MALRD1: variants seen among roughly 807,000 people sequenced by gnomAD.
MALRD1 encodes the protein MAM and LDL receptor class A domain containing 1, also known as MAM and LDL-receptor class A domain-containing protein 1.
Under a neutral mutation model 242.1 loss-of-function variants are expected in MALRD1, and 247 were observed. The observed-to-expected ratio is 1.02, with a 90% confidence interval of 0.92 to 1.13. MALRD1 has a LOEUF of 1.13. Ranked by LOEUF, MALRD1 falls within the 50% of genes most tolerant of loss-of-function variation. The probability of loss-of-function intolerance (pLI) is 0.00; values close to 1 mark genes in which losing one functional copy is unlikely to be tolerated. For synonymous variants in MALRD1, 995 were observed against 866.6 expected, an observed-to-expected ratio of 1.15 and a Z score of -2.60; for missense variants, 2,989 against 2,533.1, an observed-to-expected ratio of 1.18 and a Z score of -3.86.
chr10:19,254,586 A>G (rs1839424728), intron 18 of MALRD1, among the ~76,000 whole-genome samples: 1 of 152,024 alleles, frequency 6.6e-6, no homozygotes, highest in Admixed American at 6.6e-5. Flanking sequence ...AATGCATTGG[A>G]GTCCCAGTTG....
At chr10:19,698,414 C>A (rs764329153) in intron 38 of MALRD1, among the ~76,000 whole-genome samples, 2 of 152,176 alleles carry the variant, frequency 1.3e-5, no homozygotes, top group African/African-American at 2.4e-5. Context: ...AGGCACAAAT[C>A]CCTGAGGCTC....
chr10:19,541,520 A>G (rs1834969746), intron 32 of MALRD1, among the ~76,000 whole-genome samples: 1 of 152,226 alleles, frequency 6.6e-6, no homozygotes, highest in South Asian at 2.1e-4. Context: ...GTAATGTGTT[A>G]TAGCAGTAGT....
chr10:19,237,734 A>G (rs1169088706), intron 18 of MALRD1, among the ~76,000 whole-genome samples: 1 of 110,126 alleles, frequency 9.1e-6, no homozygotes, highest in Non-Finnish European at 1.8e-5. Context: ...ATATATAATT[A>G]TATATAATTT....
chr10:19,309,604 G>T (rs1465947776), intron 21 of MALRD1, among the ~76,000 whole-genome samples: 1 of 151,520 alleles, frequency 6.6e-6, no homozygotes, highest in South Asian at 2.1e-4. Context: ...TGTGTGAACA[G>T]GTGAAAAGGT....
chr10:19,687,024 AT>A (rs1291724171), intron 36 of MALRD1, among the ~76,000 whole-genome samples: 3 of 151,670 alleles, frequency 2.0e-5, no homozygotes, highest in African/African-American at 4.8e-5. Context: ...TAACGAGTGG[AT>A]TTTTTTCCCT....
At chr10:19,176,366 C>CCTTTTTTTTTTTTTTTTTTTT (rs1484132630) in intron 14 of MALRD1, among the ~76,000 whole-genome samples, 1 of 87,296 alleles carries the variant, frequency 1.1e-5, no homozygotes, top group African/African-American at 4.3e-5. Flanking sequence ...TTTCTGGGTG[C>CCTTTTTTTTTTTTTTTTTTTT]TTTTTTTTTT....
chr10:19,358,297 C>G (rs956703976), intron 26 of MALRD1, among the ~76,000 whole-genome samples: 1 of 150,286 alleles, frequency 6.7e-6, no homozygotes, highest in Non-Finnish European at 1.5e-5. Context: ...TGGGATATAA[C>G]ATGGAAATCA....
intron 38 of MALRD1, among the ~76,000 whole-genome samples, chr10:19,702,653 T>G (rs566026623): frequency 1.2e-4 from 19 of 152,312 alleles, no homozygotes; most frequent in Non-Finnish European, 2.8e-4. Flanking sequence ...CATAATGATA[T>G]TACAAGTTAA....
intron 12 of MALRD1, among the ~76,000 whole-genome samples, chr10:19,157,527 G>A (rs1257189734): frequency 6.6e-6 from 1 of 152,044 alleles, no homozygotes; most frequent in African/African-American, 2.4e-5. Context: ...GATTACAGGC[G>A]TGAGCCACCG....
At chr10:19,395,463 A>T (rs1265539640) in intron 28 of MALRD1, among the ~76,000 whole-genome samples, 1 of 152,204 alleles carries the variant, frequency 6.6e-6, no homozygotes, top group Non-Finnish European at 1.5e-5. Context: ...TAAGAGACAA[A>T]TGGTTGCATT....
At chr10:19,651,236 ATTAG>A (rs1840870415) in intron 36 of MALRD1, among the ~76,000 whole-genome samples, 1 of 152,194 alleles carries the variant, frequency 6.6e-6, no homozygotes, top group Non-Finnish European at 1.5e-5. Flanking sequence ...TTAACTGAAG[ATTAG>A]TTAGTAAAAC....
At chr10:19,684,289 A>T (rs1039193896) in intron 36 of MALRD1, among the ~76,000 whole-genome samples, 6 of 152,202 alleles carry the variant, frequency 3.9e-5, no homozygotes, top group Admixed American at 3.9e-4. Flanking sequence ...ACTTTGTAAC[A>T]TTATCATATT....
intron 38 of MALRD1, among the ~76,000 whole-genome samples, chr10:19,713,808 G>A (rs991077110): frequency 3.3e-5 from 5 of 152,328 alleles, no homozygotes; most frequent in African/African-American, 7.2e-5. Context: ...GTCTGGTTCT[G>A]GAGTTAGCAA....
chr10:19,579,741 T>A (rs1837013505), intron 33 of MALRD1, among the ~76,000 whole-genome samples: 1 of 152,212 alleles, frequency 6.6e-6, no homozygotes, highest in African/African-American at 2.4e-5. Context: ...ACGGTAGACT[T>A]AACCCTGTAA....
chr10:19,704,872 A>C (rs942254555), intron 38 of MALRD1, among the ~76,000 whole-genome samples: 1 of 152,084 alleles, frequency 6.6e-6, no homozygotes, highest in Non-Finnish European at 1.5e-5. Flanking sequence ...AGAGGCCAGG[A>C]GTGGGTGCTC....
intron 33 of MALRD1, among the ~76,000 whole-genome samples, chr10:19,587,716 T>G (rs938717303): frequency 1.3e-5 from 2 of 152,196 alleles, no homozygotes; most frequent in Non-Finnish European, 2.9e-5. Context: ...ACTGTCTGCA[T>G]AGCACAAAGT....
intron 31 of MALRD1, among the ~76,000 whole-genome samples, chr10:19,510,179 C>T (rs1385320890): frequency 6.6e-6 from 1 of 152,188 alleles, no homozygotes; most frequent in African/African-American, 2.4e-5. Flanking sequence ...GTCTCACCTC[C>T]AGCCCTAAGG....
intron 31 of MALRD1, among the ~76,000 whole-genome samples, chr10:19,512,147 G>C (rs755653590): frequency 3.9e-4 from 59 of 152,230 alleles, no homozygotes; most frequent in Middle Eastern, 6.8e-3. Context: ...ACTTCCAAAA[G>C]AGCCATTCTG....
At chr10:19,707,348 G>A (rs1177064185) in intron 38 of MALRD1, among the ~76,000 whole-genome samples, 2 of 152,118 alleles carry the variant, frequency 1.3e-5, no homozygotes, top group East Asian at 3.9e-4. Context: ...TTCGTAAATT[G>A]CCACTTTATC....
Sources: allele counts gnomAD v4.1 joint callset (sites outside exome capture counted in the v4.1 genomes callset), GRCh38; gene constraint gnomAD v4.1.1; transcripts MANE v1.5; gene names NCBI Gene and HGNC (gene_info 2026-07-23, HGNC 2026-07-21).